SSH2: variants seen among roughly 807,000 people sequenced by gnomAD.
The protein encoded by SSH2 is slingshot protein phosphatase 2, also known as protein phosphatase Slingshot homolog 2.
A neutral mutation model predicts 135.2 loss-of-function variants in SSH2; 37 were observed. The ratio of observed to expected loss-of-function variants is 0.27; its 90% confidence interval spans 0.21 to 0.36. SSH2 has a LOEUF of 0.36. Among genes scored for constraint, SSH2 ranks in the 10% least tolerant of loss-of-function variants. The probability of loss-of-function intolerance (pLI) is 1.00; values close to 1 mark genes in which losing one functional copy is unlikely to be tolerated. For synonymous variants in SSH2, 628 were observed against 646.2 expected (o/e 0.97, Z 0.43); for missense variants, 1,408 against 1,765.3 (o/e 0.80, Z 3.63).
intron 11 of SSH2, among the ~76,000 whole-genome samples, chr17:29,664,705 C>T (rs2037200697): frequency 1.3e-5 from 2 of 151,996 alleles, no homozygotes; most frequent in Non-Finnish European, 2.9e-5. Flanking sequence ...GAAGATTATA[C>T]CTGACAATAA....
intron 3 of SSH2, among the ~76,000 whole-genome samples, chr17:29,754,616 G>T (rs1413238343): frequency 2.0e-5 from 3 of 152,072 alleles, no homozygotes; most frequent in Admixed American, 2.0e-4. Context: ...TTAGTTTCAA[G>T]ACAAGACTTT....
At chr17:29,713,618 A>G (rs2039517680) in intron 3 of SSH2, among the ~76,000 whole-genome samples, 1 of 152,188 alleles carries the variant, frequency 6.6e-6, no homozygotes, top group Non-Finnish European at 1.5e-5. Flanking sequence ...CAGATCTAAA[A>G]TAATTTTGAC....
intron 1 of SSH2, among the ~76,000 whole-genome samples, chr17:29,881,244 GCCA>G (rs2066132230): frequency 6.6e-6 from 1 of 152,132 alleles, no homozygotes; most frequent in Non-Finnish European, 1.5e-5. Context: ...TTGATACACT[GCCA>G]GCATCTATAC....
rs375943093 is a variant in SSH2, at chr17:29,736,777, ACT to A, written c.189-33717_189-33716del. Among the ~76,000 whole-genome samples, 634 of 82,806 alleles carry A rather than the reference ACT, an allele frequency of 7.7e-3. 8 individuals are homozygous for A. The highest frequency in any genetic ancestry group is 0.03 in the African/African-American group (581 of 19,538). 54.3% of individuals were successfully genotyped at this position (82,806 alleles called of 152,430 possible). A position where few individuals can be genotyped will look rare whatever the true frequency, so the allele number is the denominator to read the frequency against. On this transcript the variant is annotated intron_variant, in intron 3 of 15. Coordinates refer to ENST00000540801, the MANE Select transcript of SSH2 (RefSeq NM_001282129.2). ...ACTCCAGCCTGGGTGACAGAGCAAG[ACT>A]CTGTCTCAAAAAAAAAAAAAAAAAA...
intron 1 of SSH2, among the ~76,000 whole-genome samples, chr17:29,870,213 G>A (rs1277257337): frequency 2.0e-5 from 3 of 150,772 alleles, no homozygotes; most frequent in Non-Finnish European, 4.4e-5. Flanking sequence ...AATATTATCT[G>A]AAATAAATAA....
chr17:29,703,083 G>A, intron 3 of SSH2, 21 bp from the exon 4 acceptor site: 1 of 1,534,394 alleles, frequency 6.5e-7, no homozygotes, highest in Non-Finnish European at 9.0e-7. Context: ...AAAGTCAAAA[G>A]AAAATAAATT....
intron 3 of SSH2, among the ~76,000 whole-genome samples, chr17:29,729,515 G>A (rs1438893758): frequency 3.3e-5 from 5 of 152,134 alleles, no homozygotes; most frequent in Non-Finnish European, 7.4e-5. Context: ...ACTACCATAC[G>A]ATCCAGCAAT....
chr17:29,771,584 G>C (rs1487295036), intron 3 of SSH2, among the ~76,000 whole-genome samples: 1 of 152,116 alleles, frequency 6.6e-6, no homozygotes, highest in African/African-American at 2.4e-5. Flanking sequence ...CTCTCTTGCT[G>C]CCTCTTGTTC....
At chr17:29,785,491 ATT>A (rs34346245) in intron 3 of SSH2, among the ~76,000 whole-genome samples, 3,734 of 78,560 alleles carry the variant, frequency 0.048, 101 homozygotes, top group African/African-American at 0.15. Flanking sequence ...TTGGCGTTTC[ATT>A]TTTTTTTTTT....
intron 3 of SSH2, among the ~76,000 whole-genome samples, chr17:29,785,785 C>T (rs1195341347): frequency 1.3e-5 from 2 of 150,606 alleles, no homozygotes; most frequent in African/African-American, 4.9e-5. Flanking sequence ...AGGCGCGAGT[C>T]ACCGCGCCCA....
intron 3 of SSH2, among the ~76,000 whole-genome samples, chr17:29,755,661 CTTTTT>C (rs928531615): frequency 1.3e-5 from 2 of 150,604 alleles, no homozygotes; most frequent in African/African-American, 4.9e-5. Context: ...ATTTTCTTTT[CTTTTT>C]CTTTTTTTTT....
intron 1 of SSH2, among the ~76,000 whole-genome samples, chr17:29,861,852 A>C (rs1326839813): frequency 6.6e-6 from 1 of 152,202 alleles, no homozygotes; most frequent in Admixed American, 6.5e-5. Flanking sequence ...TGCCTGGCCC[A>C]TAATCTTCGT....
At chr17:29,703,163 C>T (rs1291532130) in intron 3 of SSH2, 101 bp from the exon 4 acceptor site, 3 of 807,986 alleles carry the variant, frequency 3.7e-6, no homozygotes, top group Non-Finnish European at 6.4e-6. Flanking sequence ...ATTCCAAAGT[C>T]CCAACTTCAT....
chr17:29,760,691 T>G (rs888386673), intron 3 of SSH2, among the ~76,000 whole-genome samples: 3 of 151,704 alleles, frequency 2.0e-5, no homozygotes, highest in African/African-American at 7.3e-5. Context: ...CGAAGAATGG[T>G]CCTTCTTTTT....
chr17:29,868,314 C>G (rs531953326), intron 1 of SSH2, among the ~76,000 whole-genome samples: 1 of 152,130 alleles, frequency 6.6e-6, no homozygotes, highest in Admixed American at 6.5e-5. Flanking sequence ...TGAGAGAAGC[C>G]CAATTACACA....
At chr17:29,655,241 C>T (rs1224207333) in intron 12 of SSH2, among the ~76,000 whole-genome samples, 2 of 151,868 alleles carry the variant, frequency 1.3e-5, no homozygotes, top group African/African-American at 4.8e-5. Flanking sequence ...GTAGCTGGGA[C>T]TACAGGCGCC....
rs2066218976 is a variant in SSH2 at position 29,885,404 on chromosome 17, C to G, written c.64-36475G>C. Among the ~76,000 whole-genome samples the G allele has an allele frequency of 1.3e-5, 2 of 149,984 alleles. 1 individual carries two copies. On this transcript the variant is annotated intron_variant, in intron 1 of 15. Transcript: ENST00000540801. ...TTTTTCCCCAGTTCCTGACACAGAG[C>G]TCCTAAAACCCTTGGAATTTCCTGA...
intron 1 of SSH2, among the ~76,000 whole-genome samples, chr17:29,872,793 C>T (rs917039758): frequency 6.6e-6 from 1 of 151,814 alleles, no homozygotes; most frequent in Non-Finnish European, 1.5e-5. Context: ...TCCAAGAGTT[C>T]GAGACCAGCC....
intron 6 of SSH2, among the ~76,000 whole-genome samples, chr17:29,679,183 A>C (rs1383223358): frequency 1.3e-5 from 2 of 152,050 alleles, no homozygotes; most frequent in African/African-American, 4.8e-5. Flanking sequence ...ACGCTGCTGT[A>C]ACTGCTTTCC....
Sources: allele counts gnomAD v4.1 joint callset (sites outside exome capture counted in the v4.1 genomes callset), GRCh38; gene constraint gnomAD v4.1.1; transcripts MANE v1.5; gene names NCBI Gene and HGNC (gene_info 2026-07-23, HGNC 2026-07-21).